NLGN1: variants seen among roughly 807,000 people sequenced by gnomAD.
The protein encoded by NLGN1 is neuroligin 1, also known as neuroligin-1.
Under a neutral mutation model 65.5 loss-of-function variants are expected in NLGN1, and 12 were observed. The observed-to-expected ratio is 0.18, with a 90% CI of 0.12 to 0.30. The LOEUF (loss-of-function observed/expected upper bound fraction) is 0.30, where lower values mean the gene tolerates loss of function less well. Ranked by LOEUF, NLGN1 falls within the 10% of genes least tolerant of loss-of-function variation. NLGN1 has a pLI of 1.00. For synonymous variants in NLGN1, 350 were observed against 359.5 expected, an observed-to-expected ratio of 0.97 and a Z score of 0.30; for missense variants, 750 against 1,007.1, an observed-to-expected ratio of 0.74 and a Z score of 3.46.
At chr3:173,447,319 G>A (rs1197711327) in intron 2 of NLGN1, among the ~76,000 whole-genome samples, 4 of 152,134 alleles carry the variant, frequency 2.6e-5, no homozygotes, top group Admixed American at 6.5e-5. Flanking sequence ...TATTAAATAG[G>A]GAATCCTTTC....
chr3:173,855,855 G>A (rs941705487), intron 4 of NLGN1, among the ~76,000 whole-genome samples: 1 of 151,970 alleles, frequency 6.6e-6, no homozygotes, highest in African/African-American at 2.4e-5. Context: ...TATTATGGTG[G>A]CCAGGTGGCA....
intron 3 of NLGN1, among the ~76,000 whole-genome samples, chr3:173,785,641 C>T (rs1214142206): frequency 6.6e-6 from 1 of 151,762 alleles, no homozygotes; most frequent in Admixed American, 6.6e-5. Context: ...ATTTTAATGG[C>T]ATACAGAGGT....
chr3:174,267,492 T>C (rs1178667347), intron 4 of NLGN1, among the ~76,000 whole-genome samples: 2 of 152,184 alleles, frequency 1.3e-5, no homozygotes, highest in South Asian at 2.1e-4. Context: ...ACACTAAATG[T>C]TGGGGGAATC....
intron 2 of NLGN1, among the ~76,000 whole-genome samples, chr3:173,493,246 C>G (rs1324769219): frequency 6.6e-6 from 1 of 151,738 alleles, no homozygotes; most frequent in Non-Finnish European, 1.5e-5. Context: ...GAATTCTATC[C>G]AGGCGTGTTT....
chr3:173,697,281 GTTTA>G (rs1207575420), intron 3 of NLGN1, among the ~76,000 whole-genome samples: 4 of 152,072 alleles, frequency 2.6e-5, no homozygotes, highest in Non-Finnish European at 4.4e-5. Context: ...CAGGACTCAA[GTTTA>G]TTTATTTATT....
chr3:173,554,727 A>C (rs1000270835), intron 2 of NLGN1, among the ~76,000 whole-genome samples: 2 of 152,158 alleles, frequency 1.3e-5, no homozygotes, highest in Non-Finnish European at 2.9e-5. Flanking sequence ...GCTGCTATGA[A>C]TTTTTAATTT....
rs9869878 is a variant in NLGN1 at position 173,676,779 on chromosome 3, A to T, written c.493+71688A>T. Among the ~76,000 whole-genome samples the T allele has an allele frequency of 4.7e-3, 722 of 152,178 alleles. 8 individuals are homozygous for T. The highest frequency in any genetic ancestry group is 0.017 in the African/African-American group (693 of 41,508). Reference sequence around the variant, plus strand: ...CATACCTCAAACAAAGCAAAATTTCATATTTTCTTACAATTATTTGTCTTC... The same window carrying T: ...CATACCTCAAACAAAGCAAAATTTCTTATTTTCTTACAATTATTTGTCTTC... On this transcript the variant is annotated intron_variant, in intron 3 of 6. Transcript: ENST00000457714.
intron 3 of NLGN1, among the ~76,000 whole-genome samples, chr3:173,697,867 T>G (rs1174219900): frequency 2.0e-5 from 3 of 152,142 alleles, no homozygotes; most frequent in Admixed American, 6.5e-5. Flanking sequence ...TTTTTATTAC[T>G]ATTCCCCTTT....
intron 3 of NLGN1, among the ~76,000 whole-genome samples, chr3:173,776,165 A>T (rs1407281186): frequency 6.6e-6 from 1 of 152,084 alleles, no homozygotes; most frequent in Admixed American, 6.6e-5. Context: ...GTGCAATTCT[A>T]AATAAGTCAA....
chr3:173,633,762 TAA>T (rs1298153339), intron 3 of NLGN1, among the ~76,000 whole-genome samples: 2 of 152,034 alleles, frequency 1.3e-5, no homozygotes, highest in African/African-American at 4.8e-5. Flanking sequence ...CTAAGACCAG[TAA>T]AAAAACAAAA....
intron 2 of NLGN1, among the ~76,000 whole-genome samples, chr3:173,544,211 A>G (rs749458607): frequency 2.8e-4 from 43 of 152,032 alleles, no homozygotes; most frequent in South Asian, 6.2e-4. Context: ...AAGAAAAAAA[A>G]GGAAGCCCTT....
chr3:173,656,266 G>A (rs966423970), intron 3 of NLGN1, among the ~76,000 whole-genome samples: 1 of 152,034 alleles, frequency 6.6e-6, no homozygotes, highest in African/African-American at 2.4e-5. Context: ...TTTGTTTTGA[G>A]CTTGCTGGTA....
intron 2 of NLGN1, among the ~76,000 whole-genome samples, chr3:173,527,839 T>C (rs2149167729): frequency 6.6e-6 from 1 of 152,364 alleles, no homozygotes; most frequent in South Asian, 2.1e-4. Context: ...GGTGAATCTC[T>C]TGAAGGCAGC....
Position 173,788,051 on chromosome 3 carries a change from CT to C in NLGN1, c.494-19628del, listed in dbSNP as rs548797556. On this transcript the variant is annotated intron_variant, in intron 3 of 6. Coordinates refer to ENST00000457714, the Ensembl canonical transcript of NLGN1. Reference sequence around the variant, plus strand: ...TCCATAAAAAATATTGGCTTTTTAACTGGATAAAATTTTAGAAATACAGCTT... The same window carrying C: ...TCCATAAAAAATATTGGCTTTTTAACGGATAAAATTTTAGAAATACAGCTT... Among the ~76,000 whole-genome samples, 1,132 of 151,954 alleles carry C rather than the reference CT, an allele frequency of 7.4e-3. 17 individuals carry two copies. Among genetic ancestry groups the C allele is most frequent in the African/African-American group, 0.025 (1,029 of 41,472 alleles).
intron 2 of NLGN1, among the ~76,000 whole-genome samples, chr3:173,517,348 A>G (rs1451843550): frequency 1.3e-5 from 2 of 152,010 alleles, no homozygotes; most frequent in African/African-American, 2.4e-5. Flanking sequence ...ATTCATAGCT[A>G]CTATTATTTT....
chr3:174,236,767 G>C (rs1325748798), intron 4 of NLGN1, among the ~76,000 whole-genome samples: 1 of 151,914 alleles, frequency 6.6e-6, no homozygotes, highest in East Asian at 1.9e-4. Context: ...TATTGTAACT[G>C]CACTCTATTT....
intron 3 of NLGN1, among the ~76,000 whole-genome samples, chr3:173,632,594 A>G (rs1466658035): frequency 3.3e-5 from 5 of 152,156 alleles, no homozygotes; most frequent in Non-Finnish European, 2.9e-5. Flanking sequence ...TGTTCATGAG[A>G]AGTTCAGAGA....
intron 2 of NLGN1, among the ~76,000 whole-genome samples, chr3:173,464,562 A>G (rs1576818323): frequency 6.6e-6 from 1 of 151,820 alleles, no homozygotes; most frequent in East Asian, 2.0e-4. Context: ...TGGCCTCCCA[A>G]GTAGCTGGGA....
At chr3:173,826,682 T>C (rs1721399229) in intron 4 of NLGN1, among the ~76,000 whole-genome samples, 2 of 152,038 alleles carry the variant, frequency 1.3e-5, no homozygotes, top group South Asian at 2.1e-4. Context: ...ATAGGCTAGA[T>C]ATTGGGGATA....
Sources: gnomAD v4.1 joint callset for allele counts (sites outside exome capture counted in the v4.1 genomes callset) on GRCh38, gnomAD v4.1.1 for gene constraint, MANE v1.5 for transcripts, NCBI Gene and HGNC (gene_info 2026-07-23, HGNC 2026-07-21) for gene names.